Variants in CXCL16 observed in about 807,000 individuals in gnomAD.
CXCL16 encodes the protein C-X-C motif chemokine 16.
CXCL16 carries 18 observed loss-of-function variants against 23.8 expected under a neutral mutation model. The ratio of observed to expected loss-of-function variants is 0.76; its 90% CI spans 0.52 to 1.12. The LOEUF is 1.12. CXCL16 is among the 50% of genes most tolerant of loss of function. CXCL16 has a pLI of 0.00. For missense variants in CXCL16, 297 were observed against 315.4 expected (o/e 0.94, Z 0.44); for synonymous variants, 123 against 132.5 (o/e 0.93, Z 0.49).
intron 3 of CXCL16, among the ~76,000 whole-genome samples, chr17:4,737,575 TAAAAAAAA>T (rs55694753): frequency 2.6e-4 from 11 of 42,032 alleles, no homozygotes; most frequent in South Asian, 1.3e-3. Flanking sequence ...AAGACTCCAT[TAAAAAAAA>T]AAAAAAAAAA....
intron 3 of CXCL16, among the ~76,000 whole-genome samples, chr17:4,737,785 G>C (rs984120318): frequency 2.0e-5 from 3 of 151,116 alleles, no homozygotes; most frequent in Non-Finnish European, 4.4e-5. Flanking sequence ...GATATTCAGT[G>C]TGCCATTCTT....
In CXCL16 at chr17:4,735,278, T is replaced by G. The variant is rs1173626968; in HGVS notation, c.532A>C (p.Ser178Arg). 2 of 1,614,204 alleles carry G rather than the reference T, an allele frequency of 1.2e-6. No homozygotes were observed. The highest frequency in any genetic ancestry group is 2.7e-5 in the African/African-American group (2 of 75,060). The change falls in exon 4 of 6, where the codon AGT (serine) becomes CGT (arginine). Residue 178 changes from serine to arginine, a missense_variant. Ser to Arg is a moderately radical substitution (Grantham distance 110, BLOSUM62 -1). Transcript: ENST00000293778. ...NETTIHTAGHSLAAGPEAGEN... is the reference protein window; with the variant it reads ...NETTIHTAGHRLAAGPEAGEN... ...CCAGCCTCAGGCCCAGCTGCCAGAC[T>G]GTGGCCCGCAGTGTGAATGGTGGTT...
chr17:4,739,357 TC>T lies in CXCL16; in HGVS notation c.-19del, dbSNP rs1916272120. On this transcript the variant is annotated 5_prime_UTR_variant, in exon 1 of 6. Transcript: ENST00000293778. This position sits in a 1 kb window ranked among gnomAD's most constrained non-coding sequence, Gnocchi z 5.3. ...CGTCCCATCTCGGGGCTCCGCGGAC[TC>T]TGCGGGGATGGAGCCACCTCGCTCT... 1 of 1,612,886 alleles carries T rather than the reference TC, an allele frequency of 6.2e-7. No individual in the cohort carries two copies. The highest frequency in any genetic ancestry group is 1.3e-5 in the African/African-American group (1 of 74,882).
At position 4,739,390 on chromosome 17, in the gene CXCL16, C is replaced by T. The variant is rs1395054114; in HGVS notation, c.-51G>A. 2 of 1,611,744 alleles carry T rather than the reference C, an allele frequency of 1.2e-6. No homozygotes were observed. Among genetic ancestry groups the T allele is most frequent in the Non-Finnish European group, 1.7e-6 (2 of 1,179,668 alleles). ...GATGGAGCCACCTCGCTCTGACTCC[C>T]AGACATGCTCCGGCGCGTGACGTCC... is the stretch of plus-strand genomic sequence containing the variant. On this transcript the variant is annotated 5_prime_UTR_variant, in exon 1 of 6. Coordinates refer to ENST00000293778, the MANE Select transcript of CXCL16 (RefSeq NM_001386809.1). This position sits in a 1 kb window ranked among gnomAD's most constrained non-coding sequence, Gnocchi z 5.3.
In CXCL16 at chr17:4,738,484, C is replaced by T. The variant is rs1457031467; in HGVS notation, c.225G>A (p.Gln75=). 3.1e-6 allele frequency: 5 copies of T among 1,613,114 alleles called. No individual in the cohort carries two copies. Among genetic ancestry groups the T allele is most frequent in the Non-Finnish European group, 4.2e-6 (5 of 1,179,152 alleles). ...CCCCACACACGCTCCAGGAAAGGAG[C>T]TGGAACCTGCGGAGGAGAGACCTGG... ...YHRCLYYTRF[Q]LLSWSVCGGN... is the part of the protein sequence containing the mutation. The change falls in exon 3 of 6, where the codon CAG becomes CAA. Residue 75 remains glutamine (Q), a synonymous_variant. Transcript: ENST00000293778. This position sits in a 1 kb window ranked among gnomAD's most constrained non-coding sequence, Gnocchi z 4.0.
At chr17:4,737,505 G>C (rs1299029568) in intron 3 of CXCL16, among the ~76,000 whole-genome samples, 5 of 146,228 alleles carry the variant, frequency 3.4e-5, no homozygotes, top group African/African-American at 1.3e-4. Flanking sequence ...GCTTGAACCT[G>C]GGAGGCGGAG....
rs762772895 is a variant in CXCL16, at chr17:4,738,331, C to G, written c.301+77G>C. On this transcript the variant is annotated intron_variant, in intron 3 of 5. Transcript: ENST00000293778. The surrounding 1 kb of genome is among the most constrained non-coding windows in gnomAD (Gnocchi z 4.0). ...GAATGTGCGGCCCCAGGGGAAAAGG[C>G]TCAGGTAAAGAAAACTGTCAGGTGG... The G allele has an allele frequency of 2.6e-6, 3 of 1,144,802 alleles. No individual in the cohort carries two copies. The highest frequency in any genetic ancestry group is 4.0e-6 in the Non-Finnish European group (3 of 757,866). The allele number at this position is 1,144,802 out of a possible 1,614,324, so 70.9% of individuals were successfully genotyped here. A position where few individuals can be genotyped will look rare whatever the true frequency, so the allele number is the denominator to read the frequency against.
intron 3 of CXCL16, among the ~76,000 whole-genome samples, chr17:4,737,444 G>A (rs1423690277): frequency 6.0e-5 from 9 of 150,420 alleles, no homozygotes; most frequent in Non-Finnish European, 1.3e-4. Flanking sequence ...GCTGGGCATG[G>A]TGGCGGGCAC....
At position 4,738,336 on chromosome 17, in the gene CXCL16, G is replaced by T; in HGVS notation, c.301+72C>A. On this transcript the variant is annotated intron_variant, in intron 3 of 5. Coordinates refer to ENST00000293778, the MANE Select transcript of CXCL16 (RefSeq NM_001386809.1). This position sits in a 1 kb window ranked among gnomAD's most constrained non-coding sequence, Gnocchi z 4.0. Reference sequence around the variant, plus strand: ...TGCGGCCCCAGGGGAAAAGGCTCAGGTAAAGAAAACTGTCAGGTGGAAGCT... The same window carrying T: ...TGCGGCCCCAGGGGAAAAGGCTCAGTTAAAGAAAACTGTCAGGTGGAAGCT... 2 of 1,215,064 alleles carry T rather than the reference G, an allele frequency of 1.6e-6. No individual in the cohort carries two copies. Among genetic ancestry groups the T allele is most frequent in the Non-Finnish European group, 2.4e-6 (2 of 820,038 alleles). 75.3% of individuals were successfully genotyped at this position (1,215,064 alleles called of 1,614,324 possible). A position where few individuals can be genotyped will look rare whatever the true frequency, so the allele number is the denominator to read the frequency against.
rs137954605 is a variant in CXCL16 at position 4,735,292 on chromosome 17, T to G, written c.518A>C (p.His173Pro). The G allele has an allele frequency of 1.8e-4, 290 of 1,614,134 alleles. 1 individual carries two copies. The African/African-American group carries it at 3.5e-3, about 20-fold the overall frequency. The change falls in exon 4 of 6, where the codon CAC (histidine) becomes CCC (proline). Residue 173 changes from histidine to proline, a missense_variant. Coordinates refer to ENST00000293778, the MANE Select transcript of CXCL16 (RefSeq NM_001386809.1). ...ELTRPNETTI[H>P]TAGHSLAAGP... ...AGCTGCCAGACTGTGGCCCGCAGTGTGAATGGTGGTTTCATTGGGACGAGT... is the reference window on the plus strand; with the variant it reads ...AGCTGCCAGACTGTGGCCCGCAGTGGGAATGGTGGTTTCATTGGGACGAGT...
intron 3 of CXCL16, 85 bp from the exon 4 acceptor site, chr17:4,735,593 T>A: frequency 8.8e-7 from 1 of 1,141,564 alleles, no homozygotes; most frequent in Non-Finnish European, 1.2e-6. Flanking sequence ...AAAAGTAATA[T>A]CTTTTCCTCA....
At position 4,733,611 on chromosome 17, in the gene CXCL16, G is replaced by T. The variant is rs1916061548; in HGVS notation, c.*892C>A. The T allele has an allele frequency of 3.7e-5, 6 of 164,060 alleles. No homozygotes were observed. In the South Asian group the frequency reaches 8.1e-4, roughly 22 times the overall value. 10.2% of individuals were successfully genotyped at this position (164,060 alleles called of 1,614,324 possible). A position where few individuals can be genotyped will look rare whatever the true frequency, so the allele number is the denominator to read the frequency against. ...ATAAAAGCAATAACAATAAAAACAA[G>T]ATCAGACTCTCACTGGGGTAGGCAA... On this transcript the variant is annotated 3_prime_UTR_variant, in exon 6 of 6. Transcript: ENST00000293778.
rs971831757 is a variant in CXCL16 at position 4,739,671 on chromosome 17, G to A, written c.-332C>T. On this transcript the variant is annotated 5_prime_UTR_variant, in exon 1 of 6. Transcript: ENST00000293778. This position sits in a 1 kb window ranked among gnomAD's most constrained non-coding sequence, Gnocchi z 5.3. ...AACCGAAAGAAAACTCCGGCGGCGG[G>A]CGAGGAGGGGCGGGAGGACGACGGC... 1.4e-6 allele frequency: 1 copy of A among 704,616 alleles called. No individual in the cohort carries two copies. The highest frequency in any genetic ancestry group is 2.1e-6 in the Non-Finnish European group (1 of 477,674). The allele number at this position is 704,616 out of a possible 1,614,324, so 43.6% of individuals were successfully genotyped here.
chr17:4,736,553 C>A (rs1916162684), intron 3 of CXCL16, among the ~76,000 whole-genome samples: 1 of 152,124 alleles, frequency 6.6e-6, no homozygotes, highest in Non-Finnish European at 1.5e-5. Flanking sequence ...TGTAACCTCA[C>A]CCCTTGTCCC....
At position 4,734,004 on chromosome 17, in the gene CXCL16, T is replaced by C. The variant is rs1916074683; in HGVS notation, c.*499A>G. 1 of 153,510 alleles carries C rather than the reference T, an allele frequency of 6.5e-6. No homozygotes were observed. Among genetic ancestry groups the C allele is most frequent in the Admixed American group, 6.5e-5 (1 of 15,342 alleles). 9.5% of individuals were successfully genotyped at this position (153,510 alleles called of 1,614,324 possible). On this transcript the variant is annotated 3_prime_UTR_variant, in exon 6 of 6. Transcript: ENST00000293778. ...GTGGGCAGATCACCAGGTCAGGAGT[T>C]CGAGACCAGCCTGGTCAACATGGTG... is the stretch of plus-strand genomic sequence containing the variant.
chr17:4,738,596 T>C lies in CXCL16; in HGVS notation c.219-106A>G. 9.6e-7 allele frequency: 1 copy of C among 1,045,818 alleles called. No homozygotes were observed. The highest frequency in any genetic ancestry group is 1.4e-6 in the Non-Finnish European group (1 of 707,430). The allele number at this position is 1,045,818 out of a possible 1,614,324, so 64.8% of individuals were successfully genotyped here. A position where few individuals can be genotyped will look rare whatever the true frequency, so the allele number is the denominator to read the frequency against. On this transcript the variant is annotated intron_variant, in intron 2 of 5. Coordinates refer to ENST00000293778, the MANE Select transcript of CXCL16 (RefSeq NM_001386809.1). The surrounding 1 kb of genome is among the most constrained non-coding windows in gnomAD (Gnocchi z 4.0). ...GCCACCAAGAAAGAGCCCTTTCTCCTGGGACTGGGAAACTCCCCAGTAGGT... is the reference window on the plus strand; with the variant it reads ...GCCACCAAGAAAGAGCCCTTTCTCCCGGGACTGGGAAACTCCCCAGTAGGT...
intron 5 of CXCL16, 48 bp downstream of exon 5, chr17:4,734,535 G>T: frequency 8.0e-7 from 1 of 1,249,014 alleles, no homozygotes; most frequent in Non-Finnish European, 1.2e-6. Flanking sequence ...TGTTGTCAGG[G>T]GTCAGTCTCC....
Position 4,738,872 on chromosome 17 carries a change from C to G in CXCL16, c.128G>C (p.Arg43Thr), listed in dbSNP as rs756648834. 6.2e-7 allele frequency: 1 copy of G among 1,614,152 alleles called. No individual in the cohort carries two copies. The highest frequency in any genetic ancestry group is 8.5e-7 in the Non-Finnish European group (1 of 1,180,020). The change falls in exon 2 of 6, where the codon AGA becomes ACA. Residue 43 changes from arginine to threonine, a missense_variant. Coordinates refer to ENST00000293778, the MANE Select transcript of CXCL16 (RefSeq NM_001386809.1). The surrounding 1 kb of genome is among the most constrained non-coding windows in gnomAD (Gnocchi z 4.0). ...SVTGSCYCGKRISSDSPPSVQ... is the reference protein window; with the variant it reads ...SVTGSCYCGKTISSDSPPSVQ... ...CGATGGCGGGGAGTCGGAAGAAATTCTTTTACCACAATAACAACTTCCAGT... is the reference window on the plus strand; with the variant it reads ...CGATGGCGGGGAGTCGGAAGAAATTGTTTTACCACAATAACAACTTCCAGT...
In CXCL16 at chr17:4,734,065, C is replaced by T. The variant is rs8080215; in HGVS notation, c.*438G>A. 24,622 of 154,020 alleles carry T rather than the reference C, an allele frequency of 0.16. 2,207 individuals are homozygous for T. The highest frequency in any genetic ancestry group is 0.22 in the Non-Finnish European group (14,980 of 68,976). The allele number at this position is 154,020 out of a possible 1,614,324, so 9.5% of individuals were successfully genotyped here. ...TCTACTAAAAATACAAAAAATTAGCCGGGTGTGGTGGTGAGCACCTGTAGT... is the reference window on the plus strand; with the variant it reads ...TCTACTAAAAATACAAAAAATTAGCTGGGTGTGGTGGTGAGCACCTGTAGT... On this transcript the variant is annotated 3_prime_UTR_variant, in exon 6 of 6. Transcript: ENST00000293778.
Sources: gnomAD v4.1 joint callset for allele counts (sites outside exome capture counted in the v4.1 genomes callset) on GRCh38, gnomAD v4.1.1 for gene constraint, Gnocchi (gnomAD v3.1) non-coding constraint, MANE v1.5 for transcripts, NCBI Gene and HGNC (gene_info 2026-07-23, HGNC 2026-07-21) for gene names.